ADAM22: variants seen among roughly 807,000 people sequenced by gnomAD.
The protein encoded by ADAM22 is ADAM metallopeptidase domain 22.
In ADAM22, 65 loss-of-function variants were observed where a neutral mutation model predicts 144.6. The observed-to-expected ratio is 0.45, with a 90% CI of 0.37 to 0.55. The LOEUF is 0.55. ADAM22 is among the 20% of genes least tolerant of loss of function. The pLI, the probability that ADAM22 is intolerant of heterozygous loss-of-function variation, is 0.00. For synonymous variants in ADAM22, 391 were observed against 412.6 expected, an observed-to-expected ratio of 0.95 and a Z score of 0.63; for missense variants, 974 against 1,184.9, an observed-to-expected ratio of 0.82 and a Z score of 2.61.
At position 88,168,266 on chromosome 7, in the gene ADAM22, A is replaced by G. The variant is rs1158551569; in HGVS notation, c.2282+39A>G. The G allele has an allele frequency of 8.4e-6, 13 of 1,554,128 alleles. No homozygotes were observed. In the Middle Eastern group the frequency reaches 1.0e-3, roughly 120 times the overall value. On this transcript the variant is annotated intron_variant, in intron 25 of 31. Coordinates refer to ENST00000413139, the MANE Select transcript of ADAM22 (RefSeq NM_001324418.2). ...CTCAGTCTTGTTACTATTGAAATAT[A>G]CTTCTAAACATTTTGATTACATGAA...
intron 30 of ADAM22, among the ~76,000 whole-genome samples, chr7:88,187,628 T>G (rs965501426): frequency 6.6e-6 from 1 of 152,234 alleles, no homozygotes; most frequent in Non-Finnish European, 1.5e-5. Flanking sequence ...AGGAGAAATA[T>G]GTACTCAATT....
At chr7:88,193,330 C>A in intron 31 of ADAM22, 91 bp downstream of exon 31, 1 of 1,385,840 alleles carries the variant, frequency 7.2e-7, no homozygotes, top group East Asian at 2.5e-5. Flanking sequence ...CATTTTTCCT[C>A]CCTTGTTCCT....
intron 3 of ADAM22, among the ~76,000 whole-genome samples, chr7:88,026,820 T>C (rs910117144): frequency 5.3e-5 from 8 of 152,170 alleles, no homozygotes; most frequent in African/African-American, 1.9e-4. Context: ...TAGAGGAAGG[T>C]CTTTCAGTTT....
At chr7:88,127,556 A>G (rs560800625) in intron 8 of ADAM22, among the ~76,000 whole-genome samples, 18 of 151,812 alleles carry the variant, frequency 1.2e-4, no homozygotes, top group African/African-American at 3.9e-4. Flanking sequence ...AATTGTATCT[A>G]TTATTCCCTA....
At chr7:87,955,387 G>A (rs1846396330) in intron 2 of ADAM22, among the ~76,000 whole-genome samples, 1 of 152,192 alleles carries the variant, frequency 6.6e-6, no homozygotes, top group African/African-American at 2.4e-5. Context: ...GTTGGAGTTT[G>A]CTAGAGGTCC....
At chr7:88,021,248 C>G (rs1797762541) in intron 3 of ADAM22, among the ~76,000 whole-genome samples, 2 of 152,172 alleles carry the variant, frequency 1.3e-5, no homozygotes, top group South Asian at 4.1e-4. Context: ...TCTTTCCTAC[C>G]TTGGCACCTA....
At chr7:88,016,855 T>C (rs774015732) in intron 3 of ADAM22, among the ~76,000 whole-genome samples, 14 of 152,222 alleles carry the variant, frequency 9.2e-5, no homozygotes, top group Non-Finnish European at 1.9e-4. Context: ...TAGTGGTTCA[T>C]GTCTGTAATC....
intron 3 of ADAM22, among the ~76,000 whole-genome samples, chr7:88,043,547 A>G (rs942850930): frequency 6.6e-6 from 1 of 151,802 alleles, no homozygotes; most frequent in Non-Finnish European, 1.5e-5. Flanking sequence ...TCCATATTAT[A>G]GAAAATGTAT....
At position 88,197,062 on chromosome 7, in the gene ADAM22, T is replaced by C. The variant is rs1374308170; in HGVS notation, c.*571T>C. On this transcript the variant is annotated 3_prime_UTR_variant, in exon 32 of 32. Coordinates refer to ENST00000413139, the MANE Select transcript of ADAM22 (RefSeq NM_001324418.2). ...TTAAACATGTATTTTTATTTTTGTT[T>C]TGTTTTTTACTTTTCATATTTATAT... 6.6e-6 allele frequency: 1 copy of C among 152,416 alleles called. No homozygotes were observed. The highest frequency in any genetic ancestry group is 1.5e-5 in the Non-Finnish European group (1 of 68,176). 9.4% of individuals were successfully genotyped at this position (152,416 alleles called of 1,614,324 possible). A position where few individuals can be genotyped will look rare whatever the true frequency, so the allele number is the denominator to read the frequency against.
intron 3 of ADAM22, among the ~76,000 whole-genome samples, chr7:88,036,032 A>G (rs760505661): frequency 2.0e-4 from 30 of 152,238 alleles, no homozygotes; most frequent in Admixed American, 3.9e-4. Flanking sequence ...TAATCATCAC[A>G]TAATCTTTAT....
At chr7:87,992,307 G>C (rs1415741347) in intron 3 of ADAM22, among the ~76,000 whole-genome samples, 1 of 152,116 alleles carries the variant, frequency 6.6e-6, no homozygotes, top group Admixed American at 6.5e-5. Context: ...GCTGGGGAGG[G>C]CTGGGAGGCT....
intron 2 of ADAM22, among the ~76,000 whole-genome samples, chr7:87,969,638 C>T (rs1014108117): frequency 6.6e-6 from 1 of 152,176 alleles, no homozygotes; most frequent in South Asian, 2.1e-4. Flanking sequence ...ACTTTCAGTT[C>T]AGAAACATGA....
chr7:87,974,936 A>G (rs1207210722), intron 2 of ADAM22, among the ~76,000 whole-genome samples: 2 of 152,076 alleles, frequency 1.3e-5, no homozygotes, highest in Non-Finnish European at 2.9e-5. Flanking sequence ...CTCTGGTTTT[A>G]ACCCTGTTGC....
chr7:88,076,612 A>G (rs1300105342), intron 4 of ADAM22, among the ~76,000 whole-genome samples: 1 of 152,016 alleles, frequency 6.6e-6, no homozygotes, highest in Non-Finnish European at 1.5e-5. Flanking sequence ...AAATCTCAGG[A>G]TACTGGTTAT....
chr7:88,023,112 G>A (rs938479982), intron 3 of ADAM22, among the ~76,000 whole-genome samples: 1 of 151,932 alleles, frequency 6.6e-6, no homozygotes, highest in Non-Finnish European at 1.5e-5. Flanking sequence ...GTTGTTTCGT[G>A]GTCTTCTCTT....
At chr7:88,061,199 T>C (rs752526577) in intron 3 of ADAM22, among the ~76,000 whole-genome samples, 2 of 152,352 alleles carry the variant, frequency 1.3e-5, no homozygotes, top group Middle Eastern at 3.4e-3. Flanking sequence ...GTTATCTTGC[T>C]ATTTCTACGA....
intron 27 of ADAM22, among the ~76,000 whole-genome samples, chr7:88,180,991 A>C (rs968507417): frequency 6.6e-6 from 1 of 152,164 alleles, no homozygotes; most frequent in South Asian, 2.1e-4. Context: ...AAAAATGCCA[A>C]TTCTTAGAAA....
chr7:88,044,436 C>A (rs1803989416), intron 3 of ADAM22, among the ~76,000 whole-genome samples: 3 of 152,046 alleles, frequency 2.0e-5, no homozygotes, highest in African/African-American at 7.2e-5. Flanking sequence ...TTATTAAATT[C>A]ATATAATGGA....
intron 4 of ADAM22, among the ~76,000 whole-genome samples, chr7:88,104,704 A>G (rs1823883962): frequency 6.6e-6 from 1 of 152,130 alleles, no homozygotes; most frequent in African/African-American, 2.4e-5. Flanking sequence ...GAAAAATATT[A>G]CAGCACAAAA....
Sources: allele counts gnomAD v4.1 joint callset (sites outside exome capture counted in the v4.1 genomes callset), GRCh38; gene constraint gnomAD v4.1.1; transcripts MANE v1.5; gene names NCBI Gene and HGNC (gene_info 2026-07-23, HGNC 2026-07-21).